The following HSF2BP variants were observed in gnomAD, a reference collection of about 807,000 sequenced individuals.
HSF2BP encodes the protein heat shock factor 2-binding protein.
In HSF2BP, 35 loss-of-function variants were observed where a neutral mutation model predicts 35.0. The ratio of observed to expected loss-of-function variants is 1.00; its 90% confidence interval spans 0.76 to 1.32. The LOEUF (loss-of-function observed/expected upper bound fraction) is 1.32, where lower values mean the gene tolerates loss of function less well. Ranked by LOEUF, HSF2BP falls within the 40% of genes most tolerant of loss-of-function variation. The probability of loss-of-function intolerance (pLI) is 0.00; values close to 1 mark genes in which losing one functional copy is unlikely to be tolerated. For synonymous variants in HSF2BP, 114 were observed against 117.4 expected (o/e 0.97, Z 0.18); for missense variants, 326 against 321.7 (o/e 1.01, Z -0.10).
At chr21:43,641,154 G>T (rs9976443) in intron 4 of HSF2BP, among the ~76,000 whole-genome samples, 1 of 151,870 alleles carries the variant, frequency 6.6e-6, no homozygotes, top group South Asian at 2.1e-4. Flanking sequence ...CACCACGCCT[G>T]GCTAATTTTT....
intron 8 of HSF2BP, among the ~76,000 whole-genome samples, chr21:43,585,415 T>C (rs1485619013): frequency 3.3e-5 from 5 of 152,160 alleles, no homozygotes; most frequent in African/African-American, 1.2e-4. Flanking sequence ...TCCCAGTTCA[T>C]GGCCTGGAAG....
At position 43,659,292 on chromosome 21, in the gene HSF2BP, G is replaced by C. The variant is rs1419170279; in HGVS notation, c.-225+94C>G. 1.3e-5 allele frequency: 2 copies of C among 153,382 alleles called. No homozygotes were observed. The highest frequency in any genetic ancestry group is 2.9e-5 in the Non-Finnish European group (2 of 68,924). 9.5% of individuals were successfully genotyped at this position (153,382 alleles called of 1,614,324 possible). A position where few individuals can be genotyped will look rare whatever the true frequency, so the allele number is the denominator to read the frequency against. On this transcript the variant is annotated intron_variant, in intron 1 of 8. Transcript: ENST00000291560. This position sits in a 1 kb window ranked among gnomAD's most constrained non-coding sequence, Gnocchi z 4.2. Reference sequence around the variant, plus strand: ...CCACTGCATTCCAGCCTGGGCGACAGAGGGAGACCCTGTCTCAAAAACAAA... The same window carrying C: ...CCACTGCATTCCAGCCTGGGCGACACAGGGAGACCCTGTCTCAAAAACAAA...
chr21:43,499,995 ACC>A, the HSF2BP span, among the ~76,000 whole-genome samples: 1 of 79,966 alleles, frequency 1.3e-5, no homozygotes, highest in East Asian at 2.9e-4. Context: ...CCACACACAC[ACC>A]CACACACCAC....
intron 7 of HSF2BP, among the ~76,000 whole-genome samples, chr21:43,600,420 A>G (rs1009742961): frequency 3.9e-5 from 6 of 152,230 alleles, no homozygotes; most frequent in African/African-American, 1.2e-4. Flanking sequence ...TTAGCACCAT[A>G]AAGTAATTCT....
intron 8 of HSF2BP, among the ~76,000 whole-genome samples, chr21:43,589,269 A>G (rs904389131): frequency 2.0e-5 from 3 of 152,146 alleles, no homozygotes; most frequent in African/African-American, 7.2e-5. Flanking sequence ...CTATACACAC[A>G]TCCTTGAAAA....
intron 1 of HSF2BP, among the ~76,000 whole-genome samples, chr21:43,658,558 G>A (rs529205707): frequency 6.6e-6 from 1 of 152,302 alleles, no homozygotes; most frequent in Non-Finnish European, 1.5e-5. Flanking sequence ...CAACTGAGCG[G>A]AGCAACTGAG....
At chr21:43,582,462 CGGCTG>C (rs2081766930) in intron 8 of HSF2BP, among the ~76,000 whole-genome samples, 2 of 142,946 alleles carry the variant, frequency 1.4e-5, no homozygotes, top group African/African-American at 2.6e-5. Flanking sequence ...AGATGAGGGC[CGGCTG>C]AGGGAGATGA....
intron 6 of HSF2BP, among the ~76,000 whole-genome samples, chr21:43,615,497 G>A (rs2082259044): frequency 6.6e-6 from 1 of 152,064 alleles, no homozygotes; most frequent in South Asian, 2.1e-4. Flanking sequence ...ATTTACTTTT[G>A]TTCACCTGGT....
chr21:43,496,243 T>C, the HSF2BP span, among the ~76,000 whole-genome samples: 1 of 96,470 alleles, frequency 1.0e-5, no homozygotes, highest in Non-Finnish European at 2.2e-5. Flanking sequence ...AGCTCATTTC[T>C]ATACGCTAAC....
chr21:43,609,221 C>A (rs1002876702), intron 7 of HSF2BP, among the ~76,000 whole-genome samples: 2 of 152,098 alleles, frequency 1.3e-5, no homozygotes, highest in African/African-American at 4.8e-5. Flanking sequence ...TAAGTGGGAG[C>A]TAAACCCTTG....
At chr21:43,646,701 A>G (rs1254179402) in intron 3 of HSF2BP, among the ~76,000 whole-genome samples, 1 of 152,204 alleles carries the variant, frequency 6.6e-6, no homozygotes. Flanking sequence ...TAACATACCA[A>G]AGGGACAGGG....
intron 6 of HSF2BP, among the ~76,000 whole-genome samples, chr21:43,620,971 T>C (rs1361582525): frequency 6.6e-6 from 1 of 152,138 alleles, no homozygotes; most frequent in South Asian, 2.1e-4. Flanking sequence ...ATTATGGTGT[T>C]CAACAAGGTG....
At chr21:43,586,734 T>G (rs1376474230) in intron 8 of HSF2BP, among the ~76,000 whole-genome samples, 1 of 152,120 alleles carries the variant, frequency 6.6e-6, no homozygotes. Flanking sequence ...TACATCAAAT[T>G]TCTTAACAGA....
chr21:43,600,780 T>C (rs558976779), intron 7 of HSF2BP, among the ~76,000 whole-genome samples: 3 of 152,212 alleles, frequency 2.0e-5, no homozygotes, highest in Non-Finnish European at 2.9e-5. Context: ...ATAACCAGAG[T>C]TGAATTCCCT....
chr21:43,641,737 C>G (rs1271684357), intron 4 of HSF2BP, among the ~76,000 whole-genome samples: 1 of 151,948 alleles, frequency 6.6e-6, no homozygotes, highest in East Asian at 1.9e-4. Flanking sequence ...CACCTGAGGT[C>G]AGGAGTTCAA....
chr21:43,599,138 G>T (rs2082021996), intron 7 of HSF2BP, among the ~76,000 whole-genome samples: 1 of 152,212 alleles, frequency 6.6e-6, no homozygotes, highest in Admixed American at 6.5e-5. Context: ...TTTGCTGACT[G>T]CCATTTAGAT....
intron 3 of HSF2BP, among the ~76,000 whole-genome samples, chr21:43,644,896 G>A (rs957569169): frequency 7.2e-5 from 11 of 152,172 alleles, no homozygotes; most frequent in Admixed American, 5.9e-4. Flanking sequence ...TGATAAAAAT[G>A]AGAAAATGCT....
chr21:43,636,224 A>AAAAGT (rs2082554292), intron 4 of HSF2BP, among the ~76,000 whole-genome samples: 1 of 71,552 alleles, frequency 1.4e-5, no homozygotes, highest in Non-Finnish European at 2.6e-5. Context: ...AAAAGAAAAG[A>AAAAGT]AAAGAAAAGA....
chr21:43,614,767 T>C lies in HSF2BP; in HGVS notation c.575-820A>G, dbSNP rs141801679. Among the ~76,000 whole-genome samples, 20 of 152,340 alleles carry C rather than the reference T, an allele frequency of 1.3e-4. No individual in the cohort carries two copies. The East Asian group carries it at 3.7e-3, about 28-fold the overall frequency. Reference sequence around the variant, plus strand: ...TGAATTAGAGTGTTGAACCAGTAGGTATAATGCAAGTATTCCAAAATCCAA... The same window carrying C: ...TGAATTAGAGTGTTGAACCAGTAGGCATAATGCAAGTATTCCAAAATCCAA... On this transcript the variant is annotated intron_variant, in intron 6 of 8. Coordinates refer to ENST00000291560, the MANE Select transcript of HSF2BP (RefSeq NM_007031.2).
Sources: gnomAD v4.1 joint callset for allele counts (sites outside exome capture counted in the v4.1 genomes callset) on GRCh38, gnomAD v4.1.1 for gene constraint, Gnocchi (gnomAD v3.1) non-coding constraint, MANE v1.5 for transcripts, NCBI Gene and HGNC (gene_info 2026-07-23, HGNC 2026-07-21) for gene names.